FIP1L1: variants seen among roughly 807,000 people sequenced by gnomAD.
FIP1L1 encodes pre-mRNA 3'-end-processing factor FIP1.
In FIP1L1, 21 loss-of-function variants were observed where a neutral mutation model predicts 84.6. The ratio of observed to expected loss-of-function variants is 0.25; its 90% CI spans 0.18 to 0.36. The LOEUF (loss-of-function observed/expected upper bound fraction) is 0.36. FIP1L1 is among the 10% of genes least tolerant of loss of function. The probability of loss-of-function intolerance (pLI) is 1.00; values close to 1 mark genes in which losing one functional copy is unlikely to be tolerated. For missense variants in FIP1L1, 526 were observed against 751.1 expected (o/e 0.70, Z 3.50); for synonymous variants, 263 against 242.3 (o/e 1.09, Z -0.80).
At chr4:53,442,772 G>T in intron 14 of FIP1L1, 65 bp downstream of exon 14, 1 of 887,824 alleles carries the variant, frequency 1.1e-6, no homozygotes. Context: ...CCATATACTT[G>T]GAAATATTTT....
At chr4:53,447,195 T>A (rs932652707) in intron 15 of FIP1L1, among the ~76,000 whole-genome samples, 19 of 152,108 alleles carry the variant, frequency 1.2e-4, no homozygotes, top group African/African-American at 4.3e-4. Context: ...TTCTTGAGTA[T>A]ATAACTTACA....
intron 16 of FIP1L1, chr4:53,458,435 GTAAT>G: frequency 2.8e-6 from 1 of 351,146 alleles, no homozygotes. Flanking sequence ...TTTAACATGT[GTAAT>G]TATTATATAT....
At position 53,443,979 on chromosome 4, in the gene FIP1L1, T is replaced by TTG. The variant is rs1355452154; in HGVS notation, c.1230-67_1230-66dup. On this transcript the variant is annotated intron_variant, in intron 14 of 17. Coordinates refer to ENST00000337488, the MANE Select transcript of FIP1L1 (RefSeq NM_030917.4). ...TTGTAATTTTGCCTTGTTTTTCCTT[T>TTG]TGTACTACATTATTAAAATTCAGAA... 5 of 1,056,514 alleles carry TTG rather than the reference T, an allele frequency of 4.7e-6. No individual in the cohort carries two copies. The African/African-American group carries it at 6.3e-5, about 13-fold the overall frequency. 65.4% of individuals were successfully genotyped at this position (1,056,514 alleles called of 1,614,324 possible).
intron 11 of FIP1L1, among the ~76,000 whole-genome samples, chr4:53,423,533 T>G (rs1763191715): frequency 6.6e-6 from 1 of 152,228 alleles, no homozygotes; most frequent in Non-Finnish European, 1.5e-5. Context: ...TAATATTAGA[T>G]TTTTAAATTA....
chr4:53,385,521 CT>C (rs1740509626), intron 5 of FIP1L1, among the ~76,000 whole-genome samples: 1 of 152,072 alleles, frequency 6.6e-6, no homozygotes, highest in African/African-American at 2.4e-5. Context: ...AAACAAGAAA[CT>C]GTGATTTATG....
At chr4:53,440,175 C>T (rs966374263) in intron 13 of FIP1L1, among the ~76,000 whole-genome samples, 1 of 152,020 alleles carries the variant, frequency 6.6e-6, no homozygotes, top group Admixed American at 6.5e-5. Context: ...CTTGAGTTAT[C>T]CTTGTACTAC....
At chr4:53,420,448 A>G (rs975847461) in intron 11 of FIP1L1, among the ~76,000 whole-genome samples, 1 of 93,132 alleles carries the variant, frequency 1.1e-5, no homozygotes, top group Non-Finnish European at 2.8e-5. Flanking sequence ...AAAAAAAAAA[A>G]GATAAATCAG....
intron 15 of FIP1L1, among the ~76,000 whole-genome samples, chr4:53,452,681 T>C (rs1337904458): frequency 6.6e-6 from 1 of 152,192 alleles, no homozygotes; most frequent in Non-Finnish European, 1.5e-5. Flanking sequence ...ATTGGGAAGT[T>C]TGTGGTCAAC....
Position 53,460,487 on chromosome 4 carries a change from T to G in FIP1L1, c.*1038T>G. 5.1e-6 allele frequency: 1 copy of G among 197,634 alleles called. No individual in the cohort carries two copies. The highest frequency in any genetic ancestry group is 6.0e-5 in the Admixed American group (1 of 16,552). 12.2% of individuals were successfully genotyped at this position (197,634 alleles called of 1,614,324 possible). A position where few individuals can be genotyped will look rare whatever the true frequency, so the allele number is the denominator to read the frequency against. Reference sequence around the variant, plus strand: ...CTGAAAAATATTTATTCTTGTTTGATGAAAGCAACGTTTCTCAGCAATGCA... The same window carrying G: ...CTGAAAAATATTTATTCTTGTTTGAGGAAAGCAACGTTTCTCAGCAATGCA... On this transcript the variant is annotated 3_prime_UTR_variant, in exon 18 of 18. Transcript: ENST00000337488.
intron 9 of FIP1L1, among the ~76,000 whole-genome samples, chr4:53,397,281 T>G (rs1194108243): frequency 6.6e-6 from 1 of 152,204 alleles, no homozygotes; most frequent in Non-Finnish European, 1.5e-5. Flanking sequence ...GAGATTCTTT[T>G]GGGTGGTTGA....
chr4:53,448,503 T>G (rs1239368178), intron 15 of FIP1L1, among the ~76,000 whole-genome samples: 16 of 152,152 alleles, frequency 1.1e-4, no homozygotes, highest in Non-Finnish European at 1.2e-4. Flanking sequence ...GTATAGTACT[T>G]ACTACATAAT....
At chr4:53,447,293 T>C (rs1774628601) in intron 15 of FIP1L1, among the ~76,000 whole-genome samples, 1 of 152,126 alleles carries the variant, frequency 6.6e-6, no homozygotes, top group South Asian at 2.1e-4. Context: ...AATAAAATTA[T>C]ATTACTATTT....
Position 53,459,941 on chromosome 4 carries a change from T to G in FIP1L1, c.*492T>G, listed in dbSNP as rs1462235620. ...ACTCATACATTTTTGATATCACAAC[T>G]TTTTGATGGCTTTTCAATATTCTAA... On this transcript the variant is annotated 3_prime_UTR_variant, in exon 18 of 18. Transcript: ENST00000337488. The G allele has an allele frequency of 4.6e-6, 1 of 217,016 alleles. No homozygotes were observed. The highest frequency in any genetic ancestry group is 9.3e-6 in the Non-Finnish European group (1 of 107,906). The allele number at this position is 217,016 out of a possible 1,614,324, so 13.4% of individuals were successfully genotyped here.
At chr4:53,417,989 G>T (rs562398607) in intron 11 of FIP1L1, among the ~76,000 whole-genome samples, 1 of 152,056 alleles carries the variant, frequency 6.6e-6, no homozygotes, top group Admixed American at 6.6e-5. Context: ...GATGTTTTTC[G>T]TAAGTTATTA....
intron 13 of FIP1L1, among the ~76,000 whole-genome samples, chr4:53,429,954 T>C (rs1172048636): frequency 6.6e-6 from 1 of 152,166 alleles, no homozygotes; most frequent in Non-Finnish European, 1.5e-5. Context: ...ACCTCACCCG[T>C]GGCCCCCAGC....
chr4:53,432,080 A>G (rs781212924), intron 13 of FIP1L1, among the ~76,000 whole-genome samples: 3 of 152,136 alleles, frequency 2.0e-5, no homozygotes, highest in Non-Finnish European at 2.9e-5. Flanking sequence ...GGTTCCCTGC[A>G]GCCATACTAA....
chr4:53,453,875 A>G (rs1033585013), intron 16 of FIP1L1, among the ~76,000 whole-genome samples: 12 of 152,194 alleles, frequency 7.9e-5, no homozygotes, highest in Non-Finnish European at 1.6e-4. Context: ...AAAATTATCC[A>G]TTTTTTAAAG....
intron 16 of FIP1L1, among the ~76,000 whole-genome samples, chr4:53,454,500 G>A (rs1410776059): frequency 6.6e-6 from 1 of 152,164 alleles, no homozygotes; most frequent in Non-Finnish European, 1.5e-5. Context: ...ATGAGAAGGA[G>A]GAGCTTTCCA....
At chr4:53,441,407 A>G (rs1716492938) in intron 13 of FIP1L1, among the ~76,000 whole-genome samples, 1 of 151,930 alleles carries the variant, frequency 6.6e-6, no homozygotes, top group Admixed American at 6.6e-5. Flanking sequence ...ATTATGTGTG[A>G]ATGTGTCTGA....
Sources: allele counts gnomAD v4.1 joint callset (sites outside exome capture counted in the v4.1 genomes callset), GRCh38; gene constraint gnomAD v4.1.1; transcripts MANE v1.5; gene names NCBI Gene and HGNC (gene_info 2026-07-23, HGNC 2026-07-21).